Variants in EXT1 observed in about 807,000 individuals in gnomAD.
The protein encoded by EXT1 is exostosin-1.
Under a neutral mutation model 82.5 loss-of-function variants are expected in EXT1, and 20 were observed. The observed-to-expected ratio is 0.24, with a 90% CI of 0.17 to 0.35. The LOEUF (loss-of-function observed/expected upper bound fraction) is 0.35, where lower values mean the gene tolerates loss of function less well. Among genes scored for constraint, EXT1 ranks in the 10% least tolerant of loss-of-function variants. The pLI is 1.00. For missense variants in EXT1, 757 were observed against 936.5 expected, an observed-to-expected ratio of 0.81 and a Z score of 2.50; for synonymous variants, 348 against 350.8, an observed-to-expected ratio of 0.99 and a Z score of 0.09.
At position 118,020,933 on chromosome 8, in the gene EXT1, TAG is replaced by T. The variant is rs576953938; in HGVS notation, c.962+89150_962+89151del. Among the ~76,000 whole-genome samples the T allele has an allele frequency of 3.3e-5, 5 of 152,308 alleles. No individual in the cohort carries two copies. The South Asian group carries it at 1.0e-3, about 32-fold the overall frequency. ...ATTCTTCGGCATCACGTGGGGAAGA[TAG>T]AGTTAAACCAAATCTACATTCTTTA... On this transcript the variant is annotated intron_variant, in intron 1 of 10. Coordinates refer to ENST00000378204, the MANE Select transcript of EXT1 (RefSeq NM_000127.3).
At chr8:118,100,450 A>G (rs916026868) in intron 1 of EXT1, among the ~76,000 whole-genome samples, 1 of 152,130 alleles carries the variant, frequency 6.6e-6, no homozygotes. Context: ...ACTGGCGAGG[A>G]CTTAAAAGTC....
chr8:117,890,570 C>A (rs7814022), intron 1 of EXT1, among the ~76,000 whole-genome samples: 73,351 of 152,066 alleles, frequency 0.48, 18,799 homozygotes, highest in Middle Eastern at 0.63. Flanking sequence ...TGACATAGCA[C>A]CTTGAGAGTT....
intron 1 of EXT1, among the ~76,000 whole-genome samples, chr8:117,858,794 G>GCAAGA (rs1812620249): frequency 1.2e-5 from 1 of 82,086 alleles, no homozygotes; most frequent in Admixed American, 1.3e-4. Flanking sequence ...GGCAGGCAAG[G>GCAAGA]CAAGGCAAGG....
At chr8:118,060,544 A>G (rs2129941626) in intron 1 of EXT1, among the ~76,000 whole-genome samples, 1 of 152,344 alleles carries the variant, frequency 6.6e-6, no homozygotes, top group Non-Finnish European at 1.5e-5. Flanking sequence ...ACTCTCAGGA[A>G]GCCAGTCCCC....
At chr8:117,830,445 T>G in intron 3 of EXT1, 96 bp from the exon 4 acceptor site, 2 of 1,405,658 alleles carry the variant, frequency 1.4e-6, no homozygotes, top group Admixed American at 1.9e-5. Flanking sequence ...TTATTCTTCA[T>G]AGCATTTGGC....
At chr8:117,886,147 C>T (rs764497364) in intron 1 of EXT1, among the ~76,000 whole-genome samples, 14 of 152,042 alleles carry the variant, frequency 9.2e-5, no homozygotes, top group Non-Finnish European at 2.9e-5. Flanking sequence ...CAAAAAATAG[C>T]AAAAAATAGC....
intron 6 of EXT1, among the ~76,000 whole-genome samples, chr8:117,818,789 C>T (rs552714753): frequency 5.9e-4 from 90 of 152,126 alleles, no homozygotes; most frequent in African/African-American, 2.1e-3. Context: ...CAACTGTGTC[C>T]GGGAATAGGG....
chr8:117,813,679 A>C (rs1262740704), intron 7 of EXT1, among the ~76,000 whole-genome samples: 1 of 152,204 alleles, frequency 6.6e-6, no homozygotes, highest in Non-Finnish European at 1.5e-5. Flanking sequence ...AGTTACAAAT[A>C]ACTTCATTAA....
intron 1 of EXT1, among the ~76,000 whole-genome samples, chr8:118,029,091 A>C (rs1324627285): frequency 6.6e-6 from 1 of 152,174 alleles, no homozygotes; most frequent in African/African-American, 2.4e-5. Context: ...TTAGGAGTTT[A>C]AAATAAGACA....
At chr8:118,107,249 A>AC (rs796127581) in intron 1 of EXT1, among the ~76,000 whole-genome samples, 17 of 152,352 alleles carry the variant, frequency 1.1e-4, no homozygotes, top group African/African-American at 3.4e-4. Context: ...AAGGAAACTT[A>AC]CAGGTGATTG....
intron 1 of EXT1, among the ~76,000 whole-genome samples, chr8:117,907,335 C>T (rs980710410): frequency 6.6e-6 from 1 of 152,234 alleles, no homozygotes; most frequent in Non-Finnish European, 1.5e-5. Context: ...CACTGTGAAA[C>T]ATTTGCTCTA....
chr8:118,066,265 A>C (rs1382175804), intron 1 of EXT1, among the ~76,000 whole-genome samples: 1 of 152,146 alleles, frequency 6.6e-6, no homozygotes, highest in Admixed American at 6.5e-5. Context: ...ATCCACTTGC[A>C]CTTAATGAAT....
chr8:117,804,699 G>C (rs1265827083), intron 10 of EXT1, 23 bp downstream of exon 10: 2 of 1,613,594 alleles, frequency 1.2e-6, no homozygotes, highest in Non-Finnish European at 1.7e-6. Flanking sequence ...TGAAGCAAGG[G>C]AAGAGGGCTC....
rs1467121297 is a variant in EXT1, at chr8:117,968,549, A to AT, written c.963-131349dup. 4.6e-3 allele frequency among the ~76,000 whole-genome samples: 52 copies of AT among 11,328 alleles called. 1 individual carries two copies. The highest frequency in any genetic ancestry group is 8.6e-3 in the Non-Finnish European group (47 of 5,448). The allele number at this position is 11,328 out of a possible 152,430, so 7.4% of individuals were successfully genotyped here. A position where few individuals can be genotyped will look rare whatever the true frequency, so the allele number is the denominator to read the frequency against. On this transcript the variant is annotated intron_variant, in intron 1 of 10. Coordinates refer to ENST00000378204, the MANE Select transcript of EXT1 (RefSeq NM_000127.3). ...GCCTTATTTATTTATTTATTTATTT[A>AT]TTTATTTTTTTTTTTTTTTTTTTTT...
intron 1 of EXT1, among the ~76,000 whole-genome samples, chr8:117,965,359 G>C (rs541763050): frequency 1.3e-5 from 2 of 152,134 alleles, no homozygotes; most frequent in East Asian, 3.9e-4. Context: ...TAATAACCTG[G>C]AGTGGAATCA....
chr8:117,930,592 G>C (rs2129647984), intron 1 of EXT1, among the ~76,000 whole-genome samples: 1 of 152,292 alleles, frequency 6.6e-6, no homozygotes, highest in East Asian at 1.9e-4. Flanking sequence ...TGTCCATCAA[G>C]TTTTAAATAC....
chr8:118,022,631 C>T (rs1407119729), intron 1 of EXT1, among the ~76,000 whole-genome samples: 11 of 150,652 alleles, frequency 7.3e-5, no homozygotes, highest in Admixed American at 2.0e-4. Context: ...AGCCACCACG[C>T]CTGGCCCAAA....
chr8:118,035,907 T>C (rs1269958948), intron 1 of EXT1, among the ~76,000 whole-genome samples: 2 of 152,196 alleles, frequency 1.3e-5, no homozygotes, highest in African/African-American at 2.4e-5. Flanking sequence ...TGAGAACAGA[T>C]TCTATAACCT....
chr8:117,802,533 C>T (rs545917669), intron 10 of EXT1, among the ~76,000 whole-genome samples: 32 of 152,114 alleles, frequency 2.1e-4, no homozygotes, highest in Non-Finnish European at 4.3e-4. Flanking sequence ...CAGTGACATG[C>T]TATATATGTT....
Sources: allele counts gnomAD v4.1 joint callset (sites outside exome capture counted in the v4.1 genomes callset), GRCh38; gene constraint gnomAD v4.1.1; transcripts MANE v1.5; gene names NCBI Gene and HGNC (gene_info 2026-07-23, HGNC 2026-07-21).